The following OPA1 variants were observed in gnomAD, a reference collection of about 807,000 sequenced individuals.
OPA1 encodes the protein OPA1 mitochondrial dynamin like GTPase.
A neutral mutation model predicts 152.9 loss-of-function variants in OPA1; 59 were observed. The ratio of observed to expected loss-of-function variants is 0.39; its 90% confidence interval spans 0.31 to 0.48. The LOEUF is 0.48. Among genes scored for constraint, OPA1 ranks in the 20% least tolerant of loss-of-function variants. OPA1 has a pLI of 0.96. For missense variants in OPA1, 1,008 were observed against 1,216.8 expected (o/e 0.83, Z 2.55); for synonymous variants, 400 against 389.9 (o/e 1.03, Z -0.31).
At chr3:193,679,761 TA>T (rs569814612) in intron 29 of OPA1, among the ~76,000 whole-genome samples, 85 of 152,312 alleles carry the variant, frequency 5.6e-4, no homozygotes, top group African/African-American at 1.9e-3. Context: ...AAGAGGTACA[TA>T]ATGTTTTCAT....
intron 22 of OPA1, among the ~76,000 whole-genome samples, chr3:193,656,403 G>A (rs978429488): frequency 6.6e-6 from 1 of 152,096 alleles, no homozygotes; most frequent in Non-Finnish European, 1.5e-5. Flanking sequence ...AGCCCACATA[G>A]TTATAAGTAG....
chr3:193,651,064 G>A (rs1712300128), intron 21 of OPA1, among the ~76,000 whole-genome samples: 3 of 152,094 alleles, frequency 2.0e-5, no homozygotes, highest in Admixed American at 6.6e-5. Flanking sequence ...GCTGTGTCCT[G>A]TGGCTTTAAC....
At chr3:193,624,805 C>G (rs938447223) in intron 6 of OPA1, among the ~76,000 whole-genome samples, 3 of 152,020 alleles carry the variant, frequency 2.0e-5, no homozygotes, top group Non-Finnish European at 4.4e-5. Flanking sequence ...TCAAAACTAA[C>G]AGAATAAAAA....
chr3:193,642,935 A>G (rs774365642), intron 12 of OPA1, 40 bp from the exon 13 acceptor site: 3 of 1,583,526 alleles, frequency 1.9e-6, no homozygotes, highest in African/African-American at 1.3e-5. Context: ...GTGAATTAAG[A>G]TTTTCTTAGA....
rs370507491 is a variant in OPA1, at chr3:193,662,931, A to T, written c.2630A>T (p.Glu877Val). The change falls in exon 26 of 31, where the codon GAA (glutamate) becomes GTA (valine). Residue 877 changes from glutamate to valine, a missense_variant. By Grantham distance (121) the Glu-to-Val change is moderately radical (BLOSUM62 -2). This residue lies in a region of OPA1 where 137 missense variants were observed against 171.0 expected (regional missense o/e 0.80). Transcript: ENST00000361510. ...ATAACCACAGTCCGGAAGAACCTTG[A>T]ATCCCGAGGAGTAGAAGTAGATCCA... ...DEITTVRKNL[E>V]SRGVEVDPSL... 6.2e-7 allele frequency: 1 copy of T among 1,613,614 alleles called. No homozygotes were observed. Among genetic ancestry groups the T allele is most frequent in the African/African-American group, 1.3e-5 (1 of 74,924 alleles).
intron 6 of OPA1, among the ~76,000 whole-genome samples, chr3:193,620,078 A>T (rs1032029066): frequency 6.6e-6 from 1 of 152,210 alleles, no homozygotes; most frequent in Non-Finnish European, 1.5e-5. Context: ...TGGGGGAAAA[A>T]AAAATAAGTA....
At chr3:193,685,250 C>T (rs1034819735) in intron 29 of OPA1, among the ~76,000 whole-genome samples, 9 of 151,228 alleles carry the variant, frequency 6.0e-5, no homozygotes, top group African/African-American at 1.7e-4. Flanking sequence ...TGCAGTGAGC[C>T]GAGATTGCGC....
chr3:193,615,399 G>A (rs1235973969), intron 2 of OPA1, among the ~76,000 whole-genome samples: 1 of 152,158 alleles, frequency 6.6e-6, no homozygotes, highest in Non-Finnish European at 1.5e-5. Flanking sequence ...CTCCCAGTCT[G>A]TCTTCCTTCT....
chr3:193,610,472 A>G (rs537682258), intron 1 of OPA1, among the ~76,000 whole-genome samples: 48 of 152,252 alleles, frequency 3.2e-4, no homozygotes, highest in African/African-American at 7.7e-4. Flanking sequence ...CAGTTAGGCT[A>G]TTCGGGGGTC....
intron 3 of OPA1, 34 bp from the exon 4 acceptor site, chr3:193,617,144 A>G (rs746440730): frequency 8.1e-7 from 1 of 1,235,680 alleles, no homozygotes. Flanking sequence ...ATATTTTCTT[A>G]GTTTCATACT....
intron 26 of OPA1, among the ~76,000 whole-genome samples, chr3:193,663,195 T>C (rs556730228): frequency 2.6e-5 from 4 of 152,266 alleles, no homozygotes; most frequent in Middle Eastern, 3.4e-3. Flanking sequence ...AAATTTACTT[T>C]GGCAAGTTCA....
At chr3:193,646,943 A>C (rs1577254524) in intron 18 of OPA1, 122 bp from the exon 19 acceptor site, 1 of 648,144 alleles carries the variant, frequency 1.5e-6, no homozygotes, top group East Asian at 2.8e-5. Context: ...ATTTTTATTG[A>C]ACAGCACTGG....
At chr3:193,655,800 T>G (rs1475902908) in intron 22 of OPA1, among the ~76,000 whole-genome samples, 1 of 152,206 alleles carries the variant, frequency 6.6e-6, no homozygotes, top group Non-Finnish European at 1.5e-5. Context: ...TAAACAGCGA[T>G]TGTTCAAGCT....
chr3:193,667,722 A>G lies in OPA1; in HGVS notation c.2983+442A>G, dbSNP rs966106029. Reference sequence around the variant, plus strand: ...AAGGAATTTTTTTCTTCTCTGAAGTATTTGAGAGTAAGTTGCTGACCTTAA... The same window carrying G: ...AAGGAATTTTTTTCTTCTCTGAAGTGTTTGAGAGTAAGTTGCTGACCTTAA... On this transcript the variant is annotated intron_variant, in intron 29 of 30. Coordinates refer to ENST00000361510, the MANE Select transcript of OPA1 (RefSeq NM_130837.3). 3.3e-5 allele frequency among the ~76,000 whole-genome samples: 5 copies of G among 150,898 alleles called. 1 individual carries two copies. The highest frequency in any genetic ancestry group is 1.2e-4 in the African/African-American group (5 of 41,222).
chr3:193,628,331 T>G (rs1731502380), intron 7 of OPA1, among the ~76,000 whole-genome samples: 1 of 152,134 alleles, frequency 6.6e-6, no homozygotes, highest in South Asian at 2.1e-4. Context: ...AGAACTACCA[T>G]TGGTAGTTTT....
At chr3:193,600,798 C>G (rs1414962656) in intron 1 of OPA1, among the ~76,000 whole-genome samples, 1 of 152,190 alleles carries the variant, frequency 6.6e-6, no homozygotes, top group Non-Finnish European at 1.5e-5. Context: ...TTGCCATTCA[C>G]CACTTAGGAT....
chr3:193,616,814 T>G (rs1409771695), intron 3 of OPA1, among the ~76,000 whole-genome samples: 1 of 152,254 alleles, frequency 6.6e-6, no homozygotes, highest in Admixed American at 6.5e-5. Flanking sequence ...ATACTTGCAC[T>G]TATTCACAGA....
At chr3:193,682,794 G>A (rs1326731755) in intron 29 of OPA1, among the ~76,000 whole-genome samples, 3 of 152,204 alleles carry the variant, frequency 2.0e-5, no homozygotes, top group Non-Finnish European at 4.4e-5. Context: ...CATTGACAAT[G>A]CATCTGGTCA....
Position 193,667,259 on chromosome 3 carries a change from G to A in OPA1, c.2962G>A (p.Val988Ile), listed in dbSNP as rs375733283. 31 of 1,585,472 alleles carry A rather than the reference G, an allele frequency of 2.0e-5. 1 individual carries two copies. Among genetic ancestry groups the A allele is most frequent in the African/African-American group, 2.7e-5 (2 of 74,302 alleles). The part of the protein sequence containing the change: ...KKIKLLTGKR[V>I]QLAEDLKKVR... ...GATTAAATTGCTTACTGGTAAACGC[G>A]TTCAACTGGCGGAAGACCTCAGTGA... Residue 988 changes from valine to isoleucine, a missense_variant, in exon 29 of 31, where the codon GTT becomes ATT. By Grantham distance (29) the Val-to-Ile change is conservative (BLOSUM62 3). Transcript: ENST00000361510.
Sources: allele counts gnomAD v4.1 joint callset (sites outside exome capture counted in the v4.1 genomes callset), GRCh38; gene constraint gnomAD v4.1.1; regional missense constraint gnomAD v4.1.1; transcripts MANE v1.5; gene names NCBI Gene and HGNC (gene_info 2026-07-23, HGNC 2026-07-21).